The following VPS37A variants were observed in gnomAD, a reference collection of about 807,000 sequenced individuals.
VPS37A encodes the protein VPS37A subunit of ESCRT-I, also known as vacuolar protein sorting-associated protein 37A.
VPS37A carries 30 observed loss-of-function variants against 49.8 expected under a neutral mutation model. The ratio of observed to expected loss-of-function variants is 0.60; its 90% CI spans 0.45 to 0.82. VPS37A has a LOEUF of 0.82. VPS37A is among the 40% of genes least tolerant of loss of function. VPS37A has a pLI of 0.00. For missense variants in VPS37A, 593 were observed against 464.4 expected, an observed-to-expected ratio of 1.28 and a Z score of -2.55; for synonymous variants, 195 against 160.6, an observed-to-expected ratio of 1.21 and a Z score of -1.62.
intron 1 of VPS37A, among the ~76,000 whole-genome samples, chr8:17,251,912 C>T (rs1812016274): frequency 6.6e-6 from 1 of 152,118 alleles, no homozygotes; most frequent in African/African-American, 2.4e-5. Flanking sequence ...CTAAGCTTAA[C>T]GTTTTGATCA....
Position 17,256,360 on chromosome 8 carries a change from A to G in VPS37A, c.125+8991A>G, listed in dbSNP as rs1394317053. 3.8e-5 allele frequency among the ~76,000 whole-genome samples: 5 copies of G among 131,402 alleles called. No individual in the cohort carries two copies. In the East Asian group the frequency reaches 1.2e-3, roughly 32 times the overall value. The allele number at this position is 131,402 out of a possible 152,430, so 86.2% of individuals were successfully genotyped here. A position where few individuals can be genotyped will look rare whatever the true frequency, so the allele number is the denominator to read the frequency against. On this transcript the variant is annotated intron_variant, in intron 1 of 11. Transcript: ENST00000324849. ...TGTTTGTTGCCCAGACTAATCTGGA[A>G]CTCCTGGGCTCAAGGAGTCCCACTT...
At chr8:17,291,554 T>C (rs1055945579) in intron 11 of VPS37A, among the ~76,000 whole-genome samples, 1 of 152,090 alleles carries the variant, frequency 6.6e-6, no homozygotes, top group African/African-American at 2.4e-5. Context: ...CTAATTCTTT[T>C]AATTGTGATG....
At chr8:17,305,647 G>GT (rs1407091090), downstream of VPS37A, 3 of 853,466 alleles carry the variant, frequency 3.5e-6, no homozygotes, top group African/African-American at 5.1e-5. Context: ...GTCAGTATAG[G>GT]TATGTGACTA....
Position 17,274,794 on chromosome 8 carries a change from C to T in VPS37A, c.478C>T (p.Pro160Ser), listed in dbSNP as rs760165306. The T allele has an allele frequency of 1.9e-6, 3 of 1,614,146 alleles. No homozygotes were observed. Among genetic ancestry groups the T allele is most frequent in the South Asian group, 2.2e-5 (2 of 91,084 alleles). Residue 160 changes from proline (P) to serine (S), a missense_variant, in exon 5 of 12, where the codon CCA (proline) becomes TCA (serine). Pro to Ser is a moderately conservative substitution (Grantham distance 74, BLOSUM62 -1). Transcript: ENST00000324849. ...YASQGFPFLP[P>S]YPPQEANRSI... Reference sequence around the variant, plus strand: ...TTCTCAGGGTTTTCCATTTCTTCCTCCATATCCTCCACAAGAAGCAAACAG... The same window carrying T: ...TTCTCAGGGTTTTCCATTTCTTCCTTCATATCCTCCACAAGAAGCAAACAG...
downstream of VPS37A, among the ~76,000 whole-genome samples, chr8:17,301,020 C>G (rs1162937992): frequency 6.6e-6 from 1 of 152,230 alleles, no homozygotes; most frequent in East Asian, 1.9e-4. Flanking sequence ...CCCCATTCAT[C>G]ATGTTATGGA....
At chr8:17,282,689 C>G (rs914821930) in intron 9 of VPS37A, among the ~76,000 whole-genome samples, 1 of 151,960 alleles carries the variant, frequency 6.6e-6, no homozygotes, top group African/African-American at 2.4e-5. Context: ...TTATTCTGAT[C>G]CTTAAACATT....
intron 11 of VPS37A, 141 bp downstream of exon 11, chr8:17,286,568 T>C (rs1023951242): frequency 3.2e-6 from 2 of 627,066 alleles, no homozygotes; most frequent in Non-Finnish European, 2.7e-6. Flanking sequence ...TAGAATGCTT[T>C]GTATTATATA....
chr8:17,274,505 C>T (rs898576205), intron 4 of VPS37A, among the ~76,000 whole-genome samples: 3 of 151,714 alleles, frequency 2.0e-5, no homozygotes, highest in East Asian at 1.9e-4. Flanking sequence ...CCATCATCTT[C>T]TTTGTAGAAA....
At chr8:17,285,146 G>A (rs1025574431) in intron 10 of VPS37A, among the ~76,000 whole-genome samples, 1 of 152,126 alleles carries the variant, frequency 6.6e-6, no homozygotes, top group South Asian at 2.1e-4. Flanking sequence ...AGTTTTGAGT[G>A]CTGTGAGAGG....
At chr8:17,267,961 A>G (rs1481912614) in intron 2 of VPS37A, among the ~76,000 whole-genome samples, 2 of 152,226 alleles carry the variant, frequency 1.3e-5, no homozygotes, top group Admixed American at 6.5e-5. Context: ...AAGATTTTGT[A>G]TAGCTTGGTA....
the VPS37A span, among the ~76,000 whole-genome samples, chr8:17,314,765 G>T: frequency 3.3e-5 from 5 of 152,160 alleles, no homozygotes; most frequent in Non-Finnish European, 7.4e-5. Context: ...CCTTCCAAAT[G>T]CCTGCCCTGA....
chr8:17,269,614 C>T lies in VPS37A; in HGVS notation c.416+658C>T, dbSNP rs1000305852. ...TTCATTGTTTCCTTCACATTCAGTG[C>T]TCCACTTCTTCCCTCCATTCTGAGT... On this transcript the variant is annotated intron_variant, in intron 4 of 11. Coordinates refer to ENST00000324849, the MANE Select transcript of VPS37A (RefSeq NM_152415.3). 2.3e-4 allele frequency among the ~76,000 whole-genome samples: 35 copies of T among 152,156 alleles called. 1 individual carries two copies. Among genetic ancestry groups the T allele is most frequent in the African/African-American group, 9.7e-5 (4 of 41,430 alleles).
the VPS37A span, among the ~76,000 whole-genome samples, chr8:17,324,783 C>A: frequency 3.3e-5 from 5 of 152,034 alleles, no homozygotes; most frequent in African/African-American, 1.2e-4. Context: ...GGCCAAGGTG[C>A]CAAATTTTGA....
chr8:17,283,418 A>G (rs887320905), intron 9 of VPS37A, among the ~76,000 whole-genome samples: 1 of 152,162 alleles, frequency 6.6e-6, no homozygotes, highest in East Asian at 1.9e-4. Context: ...AGGCTCCCAC[A>G]GTGCTGGGAT....
chr8:17,257,512 G>A (rs1163249594), intron 1 of VPS37A, among the ~76,000 whole-genome samples: 1 of 152,180 alleles, frequency 6.6e-6, no homozygotes, highest in African/African-American at 2.4e-5. Flanking sequence ...GGGAGGGATA[G>A]CATTAGGAGA....
At chr8:17,251,805 G>C (rs888507389) in intron 1 of VPS37A, among the ~76,000 whole-genome samples, 1 of 152,046 alleles carries the variant, frequency 6.6e-6, no homozygotes, top group African/African-American at 2.4e-5. Context: ...ATTTTCTTTT[G>C]CTGCCAGTCT....
At chr8:17,293,816 C>G (rs1265904275) in intron 11 of VPS37A, among the ~76,000 whole-genome samples, 1 of 152,196 alleles carries the variant, frequency 6.6e-6, no homozygotes, top group South Asian at 2.1e-4. Context: ...CTGCTCCTTC[C>G]TCTGGAAGCT....
the VPS37A span, among the ~76,000 whole-genome samples, chr8:17,331,535 C>A: frequency 6.6e-6 from 1 of 152,190 alleles, no homozygotes. Context: ...TACTGATAAA[C>A]CCTTCTGGAG....
chr8:17,299,680 A>T, downstream of VPS37A: 1 of 736,510 alleles, frequency 1.4e-6, no homozygotes, highest in South Asian at 2.0e-5. Flanking sequence ...AAATGAAATG[A>T]CTACGTCCTC....
Sources: gnomAD v4.1 joint callset for allele counts (sites outside exome capture counted in the v4.1 genomes callset) on GRCh38, gnomAD v4.1.1 for gene constraint, MANE v1.5 for transcripts, NCBI Gene and HGNC (gene_info 2026-07-23, HGNC 2026-07-21) for gene names.